KCTD8: variants seen among roughly 807,000 people sequenced by gnomAD.
KCTD8 encodes potassium channel tetramerization domain containing 8, also known as BTB/POZ domain-containing protein KCTD8.
KCTD8 carries 27 observed loss-of-function variants against 31.5 expected under a neutral mutation model. The ratio of observed to expected loss-of-function variants is 0.86; its 90% confidence interval spans 0.63 to 1.18. The LOEUF is 1.18. Among genes scored for constraint, KCTD8 ranks in the 50% most tolerant of loss-of-function variants. The probability of loss-of-function intolerance (pLI) is 0.00; values close to 1 mark genes in which losing one functional copy is unlikely to be tolerated. For synonymous variants in KCTD8, 290 were observed against 280.0 expected, an observed-to-expected ratio of 1.04 and a Z score of -0.36; for missense variants, 658 against 647.7, an observed-to-expected ratio of 1.02 and a Z score of -0.17.
At position 44,343,858 on chromosome 4, in the gene KCTD8, G is replaced by GTTTGT. The variant is rs558349545; in HGVS notation, c.961+103700_961+103704dup. 5.1e-3 allele frequency among the ~76,000 whole-genome samples: 781 copies of GTTTGT among 151,892 alleles called. 2 individuals are homozygous for GTTTGT. Among genetic ancestry groups the GTTTGT allele is most frequent in the Non-Finnish European group, 7.1e-3 (481 of 67,900 alleles). ...AGGGTTTTTTTTGTTGTTGTTGTTT[G>GTTTGT]TTTGTTTTGTTTTGTTTTTGAGACA... On this transcript the variant is annotated intron_variant, in intron 1 of 1. Coordinates refer to ENST00000360029, the MANE Select transcript of KCTD8 (RefSeq NM_198353.3).
At chr4:44,266,208 T>A (rs1201646625) in intron 1 of KCTD8, among the ~76,000 whole-genome samples, 1 of 152,262 alleles carries the variant, frequency 6.6e-6, no homozygotes, top group Non-Finnish European at 1.5e-5. Flanking sequence ...GCAGAAACTC[T>A]ACAAGCCAGA....
chr4:44,442,889 C>T (rs925836062), intron 1 of KCTD8, among the ~76,000 whole-genome samples: 4 of 151,940 alleles, frequency 2.6e-5, no homozygotes, highest in African/African-American at 4.8e-5. Context: ...TCATTACCTG[C>T]ATAAAGATTG....
At chr4:44,183,239 T>G (rs985790130) in intron 1 of KCTD8, among the ~76,000 whole-genome samples, 7 of 152,344 alleles carry the variant, frequency 4.6e-5, no homozygotes, top group Admixed American at 4.6e-4. Context: ...TATATGTGAA[T>G]GCAATTTGTA....
chr4:44,251,248 A>G (rs879834394), intron 1 of KCTD8, among the ~76,000 whole-genome samples: 7 of 151,686 alleles, frequency 4.6e-5, no homozygotes, highest in Admixed American at 1.3e-4. Flanking sequence ...AAGTCTTACC[A>G]GTTAGTAAGG....
chr4:44,330,876 T>C (rs907689965), intron 1 of KCTD8, among the ~76,000 whole-genome samples: 5 of 151,818 alleles, frequency 3.3e-5, no homozygotes, highest in African/African-American at 1.2e-4. Flanking sequence ...AGTTTTCTGT[T>C]TGAGCCAGAG....
chr4:44,313,569 C>T (rs1718016230), intron 1 of KCTD8, among the ~76,000 whole-genome samples: 1 of 152,150 alleles, frequency 6.6e-6, no homozygotes, highest in African/African-American at 2.4e-5. Flanking sequence ...TTGTTAAGTG[C>T]TTCAAAAATT....
chr4:44,395,443 C>T (rs1720478003), intron 1 of KCTD8, among the ~76,000 whole-genome samples: 1 of 152,080 alleles, frequency 6.6e-6, no homozygotes, highest in Non-Finnish European at 1.5e-5. Flanking sequence ...TCACCTAGGA[C>T]CTCATTATAT....
intron 1 of KCTD8, among the ~76,000 whole-genome samples, chr4:44,315,424 T>C (rs565950018): frequency 5.4e-4 from 82 of 152,212 alleles, no homozygotes; most frequent in African/African-American, 1.9e-3. Flanking sequence ...AACATGTGAT[T>C]ATGAAAACAT....
At chr4:44,178,957 A>T (rs1468881883) in intron 1 of KCTD8, among the ~76,000 whole-genome samples, 1 of 152,190 alleles carries the variant, frequency 6.6e-6, no homozygotes, top group East Asian at 1.9e-4. Context: ...GTTCTGGAGG[A>T]GACACAACTA....
intron 1 of KCTD8, among the ~76,000 whole-genome samples, chr4:44,186,072 T>TG (rs982139181): frequency 6.6e-6 from 1 of 152,048 alleles, no homozygotes; most frequent in African/African-American, 2.4e-5. Flanking sequence ...CTCTGGCCTG[T>TG]CACGCCCCAA....
intron 1 of KCTD8, among the ~76,000 whole-genome samples, chr4:44,432,398 C>A (rs138095344): frequency 1.1e-4 from 16 of 151,590 alleles, no homozygotes; most frequent in Middle Eastern, 3.4e-3. Context: ...AAACCATAAT[C>A]TTTTTCAGAA....
intron 1 of KCTD8, among the ~76,000 whole-genome samples, chr4:44,323,381 C>T (rs1249171766): frequency 6.6e-6 from 1 of 151,622 alleles, no homozygotes; most frequent in Admixed American, 6.6e-5. Flanking sequence ...GTAATCCCAG[C>T]TACTTGGGAG....
At chr4:44,231,613 CTA>C (rs2109352740) in intron 1 of KCTD8, among the ~76,000 whole-genome samples, 1 of 152,204 alleles carries the variant, frequency 6.6e-6, no homozygotes, top group African/African-American at 2.4e-5. Context: ...ATTTTCAGCA[CTA>C]TGTTAGAAGC....
chr4:44,225,682 T>C (rs1162384299), intron 1 of KCTD8, among the ~76,000 whole-genome samples: 1 of 152,156 alleles, frequency 6.6e-6, no homozygotes, highest in Non-Finnish European at 1.5e-5. Context: ...ATTTTTTGTA[T>C]AGGAAATATA....
chr4:44,366,297 T>C (rs1193153410), intron 1 of KCTD8, among the ~76,000 whole-genome samples: 1 of 152,204 alleles, frequency 6.6e-6, no homozygotes, highest in Admixed American at 6.5e-5. Flanking sequence ...TGATTCCCAG[T>C]GTTAGGGAGG....
intron 1 of KCTD8, among the ~76,000 whole-genome samples, chr4:44,298,418 T>C (rs959538189): frequency 1.0e-3 from 144 of 138,194 alleles, no homozygotes; most frequent in African/African-American, 1.8e-3. Flanking sequence ...CCCCCCCACC[T>C]CTTTATTTTT....
At chr4:44,412,610 T>C (rs1160533790) in intron 1 of KCTD8, among the ~76,000 whole-genome samples, 1 of 152,176 alleles carries the variant, frequency 6.6e-6, no homozygotes, top group Non-Finnish European at 1.5e-5. Context: ...CACATAGCTT[T>C]AAAAATTAGC....
At chr4:44,293,471 T>C (rs968116368) in intron 1 of KCTD8, 1 of 455,542 alleles carries the variant, frequency 2.2e-6, no homozygotes, top group Admixed American at 2.4e-5. Context: ...CAATCATAAA[T>C]AGCCATATAT....
rs200347865 is a variant in KCTD8, at chr4:44,174,836, C to A, written c.1376G>T (p.Arg459Leu). ...CAGTTCAGATTGCCATTGGCGTTTG[C>A]GCTCTGGAAAATAATCTGGAATGTG... ...KIHIPDYFPERKRQWQSELLQ... is the reference protein window; with the variant it reads ...KIHIPDYFPELKRQWQSELLQ... Residue 459 changes from arginine to leucine, a missense_variant, in exon 2 of 2, where the codon CGC becomes CTC. Coordinates refer to ENST00000360029, the MANE Select transcript of KCTD8 (RefSeq NM_198353.3). 4 of 1,613,192 alleles carry A rather than the reference C, an allele frequency of 2.5e-6. No individual in the cohort carries two copies. The highest frequency in any genetic ancestry group is 4.5e-5 in the East Asian group (2 of 44,876).
Sources: gnomAD v4.1 joint callset for allele counts (sites outside exome capture counted in the v4.1 genomes callset) on GRCh38, gnomAD v4.1.1 for gene constraint, MANE v1.5 for transcripts, NCBI Gene and HGNC (gene_info 2026-07-23, HGNC 2026-07-21) for gene names.